The following PDE1A variants were observed in gnomAD, a reference collection of about 807,000 sequenced individuals.
PDE1A encodes phosphodiesterase 1A, also known as dual specificity calcium/calmodulin-dependent 3',5'-cyclic nucleotide phosphodiesterase 1A.
In PDE1A, 35 loss-of-function variants were observed where a neutral mutation model predicts 61.7. The observed-to-expected ratio is 0.57, with a 90% CI of 0.43 to 0.75. The LOEUF (loss-of-function observed/expected upper bound fraction) is 0.75, where lower values mean the gene tolerates loss of function less well. Among genes scored for constraint, PDE1A ranks in the 30% least tolerant of loss-of-function variants. The probability of loss-of-function intolerance (pLI) is 0.00; values close to 1 mark genes in which losing one functional copy is unlikely to be tolerated. For synonymous variants in PDE1A, 232 were observed against 213.2 expected, an observed-to-expected ratio of 1.09 and a Z score of -0.77; for missense variants, 597 against 630.6, an observed-to-expected ratio of 0.95 and a Z score of 0.57.
the PDE1A span, among the ~76,000 whole-genome samples, chr2:182,563,333 C>A: frequency 6.6e-6 from 1 of 152,098 alleles, no homozygotes; most frequent in South Asian, 2.1e-4. Context: ...CATTCAGGAG[C>A]AGGTTGTTCA....
At chr2:182,515,153 A>C (rs894375743) in intron 2 of PDE1A, among the ~76,000 whole-genome samples, 1 of 152,178 alleles carries the variant, frequency 6.6e-6, no homozygotes, top group Non-Finnish European at 1.5e-5. Flanking sequence ...CTCAGCTGAA[A>C]AATAACCTAA....
intron 1 of PDE1A, among the ~76,000 whole-genome samples, chr2:182,360,127 T>C (rs979486438): frequency 3.9e-5 from 6 of 152,086 alleles, no homozygotes; most frequent in African/African-American, 1.4e-4. Flanking sequence ...GACACAGACT[T>C]TGACACTGTT....
intron 1 of PDE1A, among the ~76,000 whole-genome samples, chr2:182,396,377 T>A (rs1471888938): frequency 6.6e-6 from 1 of 152,206 alleles, no homozygotes; most frequent in Non-Finnish European, 1.5e-5. Flanking sequence ...TATATACTAT[T>A]TCATGGGCTA....
At chr2:182,359,659 A>C (rs987285638) in intron 1 of PDE1A, among the ~76,000 whole-genome samples, 1 of 152,134 alleles carries the variant, frequency 6.6e-6, no homozygotes, top group Non-Finnish European at 1.5e-5. Flanking sequence ...TGAGTAGTTA[A>C]GATCTGTATG....
intron 1 of PDE1A, among the ~76,000 whole-genome samples, chr2:182,358,737 T>A (rs558382297): frequency 6.6e-6 from 1 of 152,310 alleles, no homozygotes; most frequent in African/African-American, 2.4e-5. Context: ...TAAATCCATT[T>A]GATTCTCATA....
intron 1 of PDE1A, among the ~76,000 whole-genome samples, chr2:182,391,543 C>T (rs548264367): frequency 6.6e-6 from 1 of 152,252 alleles, no homozygotes; most frequent in South Asian, 2.1e-4. Flanking sequence ...CAATACCTTG[C>T]AAAACAGATT....
chr2:182,276,283 G>A (rs1249754447), intron 1 of PDE1A, among the ~76,000 whole-genome samples: 1 of 152,042 alleles, frequency 6.6e-6, no homozygotes, highest in East Asian at 1.9e-4. Context: ...CAGGAAGTCA[G>A]GGACCCCAAA....
At chr2:182,492,500 T>G (rs1304628792) in intron 2 of PDE1A, among the ~76,000 whole-genome samples, 1 of 152,230 alleles carries the variant, frequency 6.6e-6, no homozygotes, top group Non-Finnish European at 1.5e-5. Flanking sequence ...CATAAAATTT[T>G]TAGTAATAGC....
At chr2:182,248,883 A>G (rs1691187721) in intron 2 of PDE1A, among the ~76,000 whole-genome samples, 1 of 152,202 alleles carries the variant, frequency 6.6e-6, no homozygotes, top group Admixed American at 6.5e-5. Flanking sequence ...GCAGCAACGA[A>G]CTCATTCAGT....
the PDE1A span, among the ~76,000 whole-genome samples, chr2:182,713,612 T>C: frequency 6.6e-6 from 1 of 152,046 alleles, no homozygotes; most frequent in Non-Finnish European, 1.5e-5. Context: ...GCCTGGACAA[T>C]AAGAACAAAA....
the PDE1A span, among the ~76,000 whole-genome samples, chr2:182,679,182 A>ATTTT: frequency 2.8e-5 from 4 of 141,044 alleles, no homozygotes; most frequent in African/African-American, 8.5e-5. Flanking sequence ...TATTATTATT[A>ATTTT]TTATTATTAT....
chr2:182,681,484 C>T, the PDE1A span, among the ~76,000 whole-genome samples: 2 of 148,370 alleles, frequency 1.3e-5, no homozygotes, highest in Non-Finnish European at 3.0e-5. Flanking sequence ...GAAATTCTTT[C>T]GTGGCTTTTT....
the PDE1A span, among the ~76,000 whole-genome samples, chr2:182,715,728 G>A: frequency 6.6e-6 from 1 of 152,134 alleles, no homozygotes; most frequent in African/African-American, 2.4e-5. Context: ...AATGCTTGTT[G>A]ATACACACGC....
intron 2 of PDE1A, among the ~76,000 whole-genome samples, chr2:182,462,169 C>T (rs554876333): frequency 1.8e-4 from 27 of 148,388 alleles, no homozygotes; most frequent in South Asian, 6.7e-4. Flanking sequence ...GTGGGGGGAG[C>T]GGGGAGGGAA....
intron 1 of PDE1A, among the ~76,000 whole-genome samples, chr2:182,288,837 T>G (rs138892043): frequency 6.6e-6 from 1 of 152,072 alleles, no homozygotes; most frequent in Non-Finnish European, 1.5e-5. Flanking sequence ...TTAGAAATGA[T>G]GCACATTAGA....
intron 1 of PDE1A, among the ~76,000 whole-genome samples, chr2:182,280,985 T>TC (rs1693767734): frequency 6.6e-6 from 1 of 151,922 alleles, no homozygotes; most frequent in African/African-American, 2.4e-5. Context: ...ACCCATTTGG[T>TC]ATTGGAAAAA....
chr2:182,555,965 CAAAAAAAA>C, the PDE1A span, among the ~76,000 whole-genome samples: 86 of 48,438 alleles, frequency 1.8e-3, no homozygotes, highest in East Asian at 6.1e-3. Flanking sequence ...AACTCCATCT[CAAAAAAAA>C]AAAAAAAAAA....
chr2:182,635,177 T>A, the PDE1A span, among the ~76,000 whole-genome samples: 2 of 151,972 alleles, frequency 1.3e-5, no homozygotes, highest in African/African-American at 4.8e-5. Context: ...AGTTTCGGTA[T>A]TTTTTCTTTA....
intron 1 of PDE1A, among the ~76,000 whole-genome samples, chr2:182,421,141 T>G (rs548244393): frequency 5.3e-5 from 8 of 152,326 alleles, no homozygotes; most frequent in African/African-American, 1.7e-4. Flanking sequence ...CTGACTACTA[T>G]AAATGTAAAA....
Sources: allele counts gnomAD v4.1 joint callset (sites outside exome capture counted in the v4.1 genomes callset), GRCh38; gene constraint gnomAD v4.1.1; transcripts MANE v1.5; gene names NCBI Gene and HGNC (gene_info 2026-07-23, HGNC 2026-07-21).